The following RILPL1 variants were observed in gnomAD, a reference collection of about 807,000 sequenced individuals.
RILPL1 encodes Rab interacting lysosomal protein like 1, also known as RILP-like protein 1.
In RILPL1, 33 loss-of-function variants were observed where a neutral mutation model predicts 50.3. That is an observed-to-expected ratio of 0.66 (90% CI 0.50 to 0.88). RILPL1 has a LOEUF of 0.88. Ranked by LOEUF, RILPL1 falls within the 40% of genes least tolerant of loss-of-function variation. The pLI is 0.00. For synonymous variants in RILPL1, 205 were observed against 228.6 expected, an observed-to-expected ratio of 0.90 and a Z score of 0.93; for missense variants, 418 against 542.5, an observed-to-expected ratio of 0.77 and a Z score of 2.28.
intron 1 of RILPL1, among the ~76,000 whole-genome samples, chr12:123,532,392 C>T (rs1421714075): frequency 6.6e-6 from 1 of 152,204 alleles, no homozygotes; most frequent in Non-Finnish European, 1.5e-5. Context: ...AGCCTTAAAG[C>T]CACCCCAAAT....
chr12:123,512,494 G>A (rs560790218), intron 2 of RILPL1, among the ~76,000 whole-genome samples: 15 of 144,314 alleles, frequency 1.0e-4, no homozygotes, highest in African/African-American at 3.9e-4. Flanking sequence ...GTCTGTGTGT[G>A]TGTGGTGTGA....
intron 2 of RILPL1, chr12:123,515,385 C>A (rs913493734): frequency 8.6e-5 from 13 of 151,208 alleles, no homozygotes; most frequent in Admixed American, 7.9e-4. Flanking sequence ...GGGAGTGTCA[C>A]GTTTTGTGCT....
intron 4 of RILPL1, among the ~76,000 whole-genome samples, chr12:123,497,541 A>G (rs973461284): frequency 6.6e-6 from 1 of 151,944 alleles, no homozygotes; most frequent in East Asian, 1.9e-4. Context: ...GATGCCCACC[A>G]CCACACCCAG....
Position 123,499,551 on chromosome 12 carries a change from G to C in RILPL1, c.461-15C>G, listed in dbSNP as rs76019564. 2 of 1,585,312 alleles carry C rather than the reference G, an allele frequency of 1.3e-6. No individual in the cohort carries two copies. The highest frequency in any genetic ancestry group is 1.7e-6 in the Non-Finnish European group (2 of 1,154,304). ...CTCTGACATGCCTGGGTGGGCAAGT[G>C]AGACCGGCAGGTGAGCCCGCCTTAC... is the stretch of plus-strand genomic sequence containing the variant. On this transcript the variant is annotated splice_polypyrimidine_tract_variant and intron_variant, in intron 2 of 6. Transcript: ENST00000376874.
At chr12:123,520,196 T>TCCATA (rs1481903890) in intron 2 of RILPL1, among the ~76,000 whole-genome samples, 1 of 152,148 alleles carries the variant, frequency 6.6e-6, no homozygotes, top group African/African-American at 2.4e-5. Flanking sequence ...CACAGGTCCA[T>TCCATA]CCATAGATGA....
Position 123,485,155 on chromosome 12 carries a change from G to A in RILPL1, c.974+478C>T, listed in dbSNP as rs1471301738. On this transcript the variant is annotated intron_variant, in intron 5 of 6. Transcript: ENST00000376874. The surrounding 1 kb of genome is among the most constrained non-coding windows in gnomAD (Gnocchi z 4.0). ...TGTGCCAAGCTCCATTCTAAGTGCT[G>A]GGAACTTAGCCATGGACAAGATAAA... The A allele has an allele frequency of 6.6e-6, 3 of 456,358 alleles. No individual in the cohort carries two copies. Among genetic ancestry groups the A allele is most frequent in the South Asian group, 4.6e-5 (3 of 64,558 alleles). The allele number at this position is 456,358 out of a possible 1,614,324, so 28.3% of individuals were successfully genotyped here.
At chr12:123,520,374 C>G (rs542493552) in intron 2 of RILPL1, among the ~76,000 whole-genome samples, 8 of 152,318 alleles carry the variant, frequency 5.3e-5, no homozygotes, top group African/African-American at 1.9e-4. Context: ...GCCTGGCCAA[C>G]ATGGTGAAAT....
chr12:123,475,379 C>T (rs1881517739), intron 6 of RILPL1: 1 of 446,182 alleles, frequency 2.2e-6, no homozygotes, highest in African/African-American at 2.0e-5. Context: ...ACTTAAAGGA[C>T]CTTCTTTACT....
Position 123,498,470 on chromosome 12 carries a change from G to T in RILPL1, c.801+74C>A. On this transcript the variant is annotated intron_variant, in intron 4 of 6. Transcript: ENST00000376874. The surrounding 1 kb of genome is among the most constrained non-coding windows in gnomAD (Gnocchi z 4.3). ...TCTGAAGTATAATGGGGAAAACAAG[G>T]CAACCCTGCCTGCCTTAAGCCAACC... 2.2e-6 allele frequency: 3 copies of T among 1,368,104 alleles called. No individual in the cohort carries two copies. Among genetic ancestry groups the T allele is most frequent in the Non-Finnish European group, 2.1e-6 (2 of 971,342 alleles). The allele number at this position is 1,368,104 out of a possible 1,614,324, so 84.7% of individuals were successfully genotyped here.
chr12:123,515,997 T>C (rs1884666985), intron 2 of RILPL1, among the ~76,000 whole-genome samples: 1 of 132,388 alleles, frequency 7.6e-6, no homozygotes, highest in Admixed American at 8.6e-5. Flanking sequence ...TTGCAGCACT[T>C]CACTCCAGCC....
chr12:123,512,533 GTGTGGT>G (rs1884395176), intron 2 of RILPL1, among the ~76,000 whole-genome samples: 1 of 144,664 alleles, frequency 6.9e-6, no homozygotes, highest in African/African-American at 2.6e-5. Flanking sequence ...GTCTGTGTGT[GTGTGGT>G]CTGTGTGTGG....
intron 2 of RILPL1, among the ~76,000 whole-genome samples, chr12:123,521,574 CACACATATGTGTATATATAT>C (rs1452620672): frequency 2.9e-4 from 4 of 13,612 alleles, no homozygotes; most frequent in East Asian, 0.019. Flanking sequence ...AATATATATA[CACACATATGTGTATATATAT>C]ATTAATATAT....
rs1566117357 is a variant in RILPL1 at position 123,485,729 on chromosome 12, C to T, written c.878G>A (p.Arg293Gln). The T allele has an allele frequency of 7.4e-6, 12 of 1,613,300 alleles. No homozygotes were observed. The highest frequency in any genetic ancestry group is 1.0e-5 in the Non-Finnish European group (12 of 1,179,628). The change falls in exon 5 of 7, where the codon CGG (arginine) becomes CAG (glutamine). Residue 293 changes from arginine (R) to glutamine (Q), a missense_variant. Coordinates refer to ENST00000376874, the MANE Select transcript of RILPL1 (RefSeq NM_178314.5). The surrounding 1 kb of genome is among the most constrained non-coding windows in gnomAD (Gnocchi z 4.0). ...AMDLKDPNRP[R>Q]FTLQELRDVL... ...GTCCCGCAGCTCCTGCAGGGTGAAC[C>T]GGGGGCGGTTGGGGTCCTTGAGATC... is the stretch of plus-strand genomic sequence containing the variant.
chr12:123,500,140 C>T (rs1472630147), intron 2 of RILPL1, among the ~76,000 whole-genome samples: 1 of 151,990 alleles, frequency 6.6e-6, no homozygotes, highest in Non-Finnish European at 1.5e-5. Flanking sequence ...CCGTGTTAGC[C>T]AGGATGGTCT....
chr12:123,493,225 T>G (rs1436192512), intron 4 of RILPL1, among the ~76,000 whole-genome samples: 1 of 152,252 alleles, frequency 6.6e-6, no homozygotes, highest in East Asian at 1.9e-4. Context: ...AATACTGCTT[T>G]GTAAAGCATT....
At chr12:123,484,361 G>C (rs1172725550) in intron 5 of RILPL1, 89 bp from the exon 6 acceptor site, 1 of 891,742 alleles carries the variant, frequency 1.1e-6, no homozygotes, top group African/African-American at 1.6e-5. Flanking sequence ...GATGGTCTGA[G>C]AGGGTGCATG....
chr12:123,480,798 G>T (rs1293668966), intron 6 of RILPL1, among the ~76,000 whole-genome samples: 4 of 152,116 alleles, frequency 2.6e-5, no homozygotes, highest in Non-Finnish European at 5.9e-5. Flanking sequence ...AGGCTACCGT[G>T]GGCACCCCGT....
At position 123,491,268 on chromosome 12, in the gene RILPL1, G is replaced by A. The variant is rs34762274; in HGVS notation, c.802-5463C>T. Among the ~76,000 whole-genome samples the A allele has an allele frequency of 0.22, 33,510 of 152,068 alleles. 3,971 individuals carry two copies. Among genetic ancestry groups the A allele is most frequent in the African/African-American group, 0.27 (11,332 of 41,488 alleles). ...TCCATGCGGGACCGGGAGGTGGCTC[G>A]GGTTAGCTGAGATAAGCTGGGGCCT... On this transcript the variant is annotated intron_variant, in intron 4 of 6. Coordinates refer to ENST00000376874, the MANE Select transcript of RILPL1 (RefSeq NM_178314.5). This position sits in a 1 kb window ranked among gnomAD's most constrained non-coding sequence, Gnocchi z 4.0.
chr12:123,499,524 C>T lies in RILPL1; in HGVS notation c.473G>A (p.Arg158Gln), dbSNP rs777222858. 3.6e-5 allele frequency: 58 copies of T among 1,613,494 alleles called. No homozygotes were observed. Among genetic ancestry groups the T allele is most frequent in the South Asian group, 5.5e-5 (5 of 91,068 alleles). ...CAGCTTCTTCATCACCTGTCGCTCC[C>T]GCTCTGACATGCCTGGGTGGGCAAG... ...EFQKHEGMSE[R>Q]ERQVMKKLKE... Residue 158 changes from arginine to glutamine, a missense_variant, in exon 3 of 7, where the codon CGG becomes CAG. Coordinates refer to ENST00000376874, the MANE Select transcript of RILPL1 (RefSeq NM_178314.5).
Sources: allele counts gnomAD v4.1 joint callset (sites outside exome capture counted in the v4.1 genomes callset), GRCh38; gene constraint gnomAD v4.1.1; non-coding constraint Gnocchi (gnomAD v3.1); transcripts MANE v1.5; gene names NCBI Gene and HGNC (gene_info 2026-07-23, HGNC 2026-07-21).